The following COL14A1 variants were observed in gnomAD, a reference collection of about 807,000 sequenced individuals.
The protein encoded by COL14A1 is collagen alpha-1(XIV) chain.
A neutral mutation model predicts 230.3 loss-of-function variants in COL14A1; 136 were observed. The ratio of observed to expected loss-of-function variants is 0.59; its 90% CI spans 0.51 to 0.68. COL14A1 has a LOEUF of 0.68. Among genes scored for constraint, COL14A1 ranks in the 30% least tolerant of loss-of-function variants. The pLI is 0.00. For synonymous variants in COL14A1, 792 were observed against 784.1 expected (o/e 1.01, Z -0.17); for missense variants, 1,976 against 2,215.8 (o/e 0.89, Z 2.17).
At chr8:120,193,336 C>G (rs560819049) in intron 5 of COL14A1, among the ~76,000 whole-genome samples, 1 of 152,204 alleles carries the variant, frequency 6.6e-6, no homozygotes, top group Admixed American at 6.5e-5. Context: ...GCCTGCGTAT[C>G]AGCAACGGTG....
At chr8:120,256,382 T>G (rs1250519516) in intron 23 of COL14A1, among the ~76,000 whole-genome samples, 1 of 152,210 alleles carries the variant, frequency 6.6e-6, no homozygotes, top group Non-Finnish European at 1.5e-5. Context: ...AAGCATAGTT[T>G]AGGAGAGCAC....
chr8:120,338,912 C>G (rs915157824), intron 42 of COL14A1, among the ~76,000 whole-genome samples: 13 of 152,308 alleles, frequency 8.5e-5, no homozygotes, highest in African/African-American at 3.1e-4. Context: ...CTTTAGAGAT[C>G]TGTCCATTTG....
At chr8:120,280,778 C>A in intron 30 of COL14A1, 29 bp downstream of exon 30, 1 of 1,609,580 alleles carries the variant, frequency 6.2e-7, no homozygotes, top group Non-Finnish European at 8.5e-7. Flanking sequence ...TTTTCAAACA[C>A]AAAATATATT....
chr8:120,306,393 A>G (rs1820859658), intron 36 of COL14A1, among the ~76,000 whole-genome samples: 1 of 152,226 alleles, frequency 6.6e-6, no homozygotes, highest in African/African-American at 2.4e-5. Flanking sequence ...GAAAAAAGCA[A>G]TTGAAAATTT....
At chr8:120,319,322 A>G (rs896270891) in intron 40 of COL14A1, among the ~76,000 whole-genome samples, 4 of 151,760 alleles carry the variant, frequency 2.6e-5, no homozygotes, top group Middle Eastern at 3.4e-3. Flanking sequence ...ATGTCTGGCT[A>G]ATTTTTTTAT....
chr8:120,235,261 C>A (rs547164196), intron 19 of COL14A1, among the ~76,000 whole-genome samples: 2 of 152,128 alleles, frequency 1.3e-5, no homozygotes, highest in African/African-American at 2.4e-5. Context: ...CCTCCTCCTC[C>A]TGGGTTCCAG....
At chr8:120,249,948 A>C (rs1261466369) in intron 21 of COL14A1, among the ~76,000 whole-genome samples, 2 of 152,242 alleles carry the variant, frequency 1.3e-5, no homozygotes, top group Non-Finnish European at 2.9e-5. Flanking sequence ...AAGCTCTTAA[A>C]GAATGAGCAT....
In COL14A1 at chr8:120,216,451, A is replaced by G. The variant is rs1313278928; in HGVS notation, c.1698A>G (p.Arg566=). ...CTTCAAGACAGATCAATGGTTATCG[A>G]ATTGTATATAACAATGCAGATGGGA... is the stretch of plus-strand genomic sequence containing the variant. ...DPTSRQINGY[R]IVYNNADGTE... is the part of the protein sequence containing the mutation. The change falls in exon 14 of 48, where the codon CGA becomes CGG. Residue 566 remains arginine (R), a synonymous_variant. Coordinates refer to ENST00000297848, the MANE Select transcript of COL14A1 (RefSeq NM_021110.4). The G allele has an allele frequency of 1.2e-6, 2 of 1,613,888 alleles. No homozygotes were observed. Among genetic ancestry groups the G allele is most frequent in the South Asian group, 2.2e-5 (2 of 91,046 alleles).
intron 32 of COL14A1, among the ~76,000 whole-genome samples, chr8:120,285,228 C>T (rs369847242): frequency 1.1e-4 from 17 of 151,640 alleles, no homozygotes; most frequent in African/African-American, 3.9e-4. Context: ...CTGAGGTGGG[C>T]AGATCATGAG....
chr8:120,220,484 G>A (rs1817896396), intron 14 of COL14A1, among the ~76,000 whole-genome samples: 1 of 152,050 alleles, frequency 6.6e-6, no homozygotes, highest in African/African-American at 2.4e-5. Context: ...ATGTTGGCCA[G>A]GATGGTCTCG....
rs564519797 is a variant in COL14A1 at position 120,371,136 on chromosome 8, C to G, written c.5312-16C>G. 2.5e-6 allele frequency: 4 copies of G among 1,594,016 alleles called. No homozygotes were observed. Among genetic ancestry groups the G allele is most frequent in the Non-Finnish European group, 2.6e-6 (3 of 1,172,616 alleles). ...CCTGGGTGCAGCAAGTCCCCACCCC[C>G]ACTTTTCCTCTTTAGCTCCCCATCC... On this transcript the variant is annotated splice_polypyrimidine_tract_variant and intron_variant, in intron 47 of 47. Transcript: ENST00000297848.
At chr8:120,369,692 A>G (rs1351247528) in intron 47 of COL14A1, among the ~76,000 whole-genome samples, 1 of 152,232 alleles carries the variant, frequency 6.6e-6, no homozygotes, top group Non-Finnish European at 1.5e-5. Flanking sequence ...AAACCTTAAG[A>G]GCAAATTCAA....
chr8:120,319,546 G>A (rs558826202), intron 40 of COL14A1, among the ~76,000 whole-genome samples: 16 of 152,228 alleles, frequency 1.1e-4, no homozygotes, highest in African/African-American at 3.6e-4. Flanking sequence ...TTGACTGAAA[G>A]CTTATGGAAA....
intron 18 of COL14A1, 71 bp downstream of exon 18, chr8:120,228,840 T>C: frequency 7.7e-7 from 1 of 1,294,430 alleles, no homozygotes. Context: ...TTATCCTGGT[T>C]TTATTTATTA....
intron 5 of COL14A1, among the ~76,000 whole-genome samples, chr8:120,176,538 G>A (rs1816287580): frequency 6.6e-6 from 1 of 152,162 alleles, no homozygotes; most frequent in Non-Finnish European, 1.5e-5. Context: ...GTGGGACTTA[G>A]ATCTGGCAAA....
chr8:120,199,880 C>T (rs1376208797), intron 8 of COL14A1, among the ~76,000 whole-genome samples: 2 of 151,980 alleles, frequency 1.3e-5, no homozygotes, highest in African/African-American at 4.8e-5. Context: ...TCAAGACTTT[C>T]TCTTAAGGGT....
At chr8:120,159,880 T>C (rs1381545678) in intron 3 of COL14A1, among the ~76,000 whole-genome samples, 1 of 151,978 alleles carries the variant, frequency 6.6e-6, no homozygotes, top group Non-Finnish European at 1.5e-5. Flanking sequence ...TTAGTAGAGA[T>C]GGGATTTCAC....
intron 2 of COL14A1, among the ~76,000 whole-genome samples, chr8:120,151,864 G>C (rs561394951): frequency 2.5e-4 from 38 of 152,086 alleles, no homozygotes; most frequent in Non-Finnish European, 4.4e-4. Context: ...AAATATGGAA[G>C]AGGGAGATAG....
At chr8:120,332,931 A>G (rs1821921426) in intron 42 of COL14A1, among the ~76,000 whole-genome samples, 196 bp downstream of exon 42, 3 of 152,360 alleles carry the variant, frequency 2.0e-5, no homozygotes, top group South Asian at 4.1e-4. Context: ...GCTGAAGATA[A>G]ATGGTCCTAA....
Sources: gnomAD v4.1 joint callset for allele counts (sites outside exome capture counted in the v4.1 genomes callset) on GRCh38, gnomAD v4.1.1 for gene constraint, MANE v1.5 for transcripts, NCBI Gene and HGNC (gene_info 2026-07-23, HGNC 2026-07-21) for gene names.